Variants in PCDHA4 observed in about 807,000 individuals in gnomAD.
PCDHA4 encodes protocadherin alpha-4.
Under a neutral mutation model 61.4 loss-of-function variants are expected in PCDHA4, and 49 were observed. That is an observed-to-expected ratio of 0.80 (90% CI 0.63 to 1.01). PCDHA4 has a LOEUF of 1.01. Among genes scored for constraint, PCDHA4 ranks in the 50% least tolerant of loss-of-function variants. The pLI is 0.00. For synonymous variants in PCDHA4, 590 were observed against 550.3 expected, an observed-to-expected ratio of 1.07 and a Z score of -1.01; for missense variants, 1,254 against 1,235.8, an observed-to-expected ratio of 1.01 and a Z score of -0.22.
At chr5:140,883,786 C>G in intron 1 of PCDHA4, 1 of 1,612,422 alleles carries the variant, frequency 6.2e-7, no homozygotes, top group Admixed American at 1.7e-5. Flanking sequence ...CGCTGTCGAG[C>G]TACGTGTCGG....
At chr5:140,857,653 C>A (rs1466552947) in intron 1 of PCDHA4, 6 of 1,596,508 alleles carry the variant, frequency 3.8e-6, no homozygotes, top group Non-Finnish European at 5.1e-6. Flanking sequence ...TCCAGGTGAG[C>A]GCGCGCGATG....
intron 1 of PCDHA4, chr5:140,830,426 T>G (rs2150186356): frequency 6.2e-7 from 1 of 1,613,866 alleles, no homozygotes; most frequent in Non-Finnish European, 8.5e-7. Flanking sequence ...CCTTTCACCT[T>G]GTCCTATTAT....
intron 3 of PCDHA4, among the ~76,000 whole-genome samples, chr5:140,994,064 A>G (rs902624513): frequency 6.6e-6 from 1 of 152,142 alleles, no homozygotes; most frequent in African/African-American, 2.4e-5. Context: ...TATAAATCTA[A>G]TGGTGAAGGG....
Position 140,851,165 on chromosome 5 carries a change from G to A in PCDHA4, c.2385+41593G>A. Reference sequence around the variant, plus strand: ...GACATTGAATTTCTGATGCTATGCTGCCATAACACTTGAAAACCAATTTAG... The same window carrying A: ...GACATTGAATTTCTGATGCTATGCTACCATAACACTTGAAAACCAATTTAG... On this transcript the variant is annotated intron_variant, in intron 1 of 3. Transcript: ENST00000530339. 5 of 1,284,508 alleles carry A rather than the reference G, an allele frequency of 3.9e-6. 1 individual carries two copies. Among genetic ancestry groups the A allele is most frequent in the Non-Finnish European group, 5.0e-6 (5 of 997,876 alleles). 79.6% of individuals were successfully genotyped at this position (1,284,508 alleles called of 1,614,324 possible).
In PCDHA4 at chr5:140,921,062, C is replaced by T. The variant is rs377176575; in HGVS notation, c.2386-57887C>T. 1.3e-4 allele frequency among the ~76,000 whole-genome samples: 20 copies of T among 151,872 alleles called. No homozygotes were observed. The South Asian group carries it at 4.2e-3, about 32-fold the overall frequency. The stretch of plus-strand genomic sequence containing the variant: ...TGGGGCAATCATAGCTCACTCTAAC[C>T]TTGAACTCTTGGGCTCAAGAGAATC... On this transcript the variant is annotated intron_variant, in intron 1 of 3. Coordinates refer to ENST00000530339, the MANE Select transcript of PCDHA4 (RefSeq NM_018907.4).
intron 1 of PCDHA4, chr5:140,823,634 C>A (rs367738406): frequency 1.2e-6 from 2 of 1,613,942 alleles, no homozygotes; most frequent in African/African-American, 2.7e-5. Flanking sequence ...GCGCGCATCC[C>A]GTTCCGCGTG....
chr5:140,907,554 A>G (rs1554193052), intron 1 of PCDHA4, among the ~76,000 whole-genome samples: 2 of 152,224 alleles, frequency 1.3e-5, no homozygotes, highest in African/African-American at 2.4e-5. Context: ...AAGAGGTCCA[A>G]TATAATCAAC....
Position 140,871,268 on chromosome 5 carries a change from G to T in PCDHA4, c.2385+61696G>T, listed in dbSNP as rs368729446. ...CTGCTGCTGTATACGGCGCTGTGGTGGTCGGCAACGCCCACTGAGGGCGCG... is the reference window on the plus strand; with the variant it reads ...CTGCTGCTGTATACGGCGCTGTGGTTGTCGGCAACGCCCACTGAGGGCGCG... On this transcript the variant is annotated intron_variant, in intron 1 of 3. Transcript: ENST00000530339. 53 of 1,613,850 alleles carry T rather than the reference G, an allele frequency of 3.3e-5. No homozygotes were observed. The African/African-American group carries it at 6.7e-4, about 20-fold the overall frequency.
At chr5:141,005,093 G>A (rs1441843884) in intron 3 of PCDHA4, among the ~76,000 whole-genome samples, 1 of 152,172 alleles carries the variant, frequency 6.6e-6, no homozygotes, top group East Asian at 1.9e-4. Flanking sequence ...TACTTTACAT[G>A]CATTACATCA....
intron 1 of PCDHA4, among the ~76,000 whole-genome samples, chr5:140,891,857 C>G (rs1202628035): frequency 6.6e-6 from 1 of 152,194 alleles, no homozygotes; most frequent in Non-Finnish European, 1.5e-5. Context: ...GCCTGTCCCT[C>G]TCTTATGCTT....
At chr5:140,854,861 A>G (rs1176578969) in intron 1 of PCDHA4, among the ~76,000 whole-genome samples, 2 of 149,864 alleles carry the variant, frequency 1.3e-5, no homozygotes, top group African/African-American at 4.9e-5. Flanking sequence ...TACTAGATAT[A>G]TTTCAGAACT....
At chr5:140,905,787 G>A (rs1468265319) in intron 1 of PCDHA4, among the ~76,000 whole-genome samples, 1 of 152,012 alleles carries the variant, frequency 6.6e-6, no homozygotes, top group Non-Finnish European at 1.5e-5. Context: ...TATTAGTCAG[G>A]GTTCTCTAGA....
chr5:140,907,066 G>A (rs748785005), intron 1 of PCDHA4, among the ~76,000 whole-genome samples: 6 of 152,096 alleles, frequency 3.9e-5, no homozygotes, highest in Non-Finnish European at 8.8e-5. Context: ...TTTACTAGTG[G>A]GTCACTAGGG....
chr5:140,869,249 C>T (rs1554162740), intron 1 of PCDHA4: 2 of 1,613,496 alleles, frequency 1.2e-6, no homozygotes, highest in Admixed American at 3.3e-5. Flanking sequence ...GGCCGCATCG[C>T]GCAGGACCTG....
At chr5:140,841,877 A>G (rs2150324611) in intron 1 of PCDHA4, 1 of 1,613,820 alleles carries the variant, frequency 6.2e-7, no homozygotes. Flanking sequence ...GAATTCAAAG[A>G]ACGATGAGAA....
chr5:140,975,201 A>G (rs1253516142), intron 1 of PCDHA4, among the ~76,000 whole-genome samples: 1 of 152,144 alleles, frequency 6.6e-6, no homozygotes, highest in Non-Finnish European at 1.5e-5. Context: ...CTCCATCTTC[A>G]TGGCTGGCAC....
At chr5:140,896,555 T>C (rs2065621728) in intron 1 of PCDHA4, among the ~76,000 whole-genome samples, 1 of 151,910 alleles carries the variant, frequency 6.6e-6, no homozygotes, top group African/African-American at 2.4e-5. Context: ...TTTTGTATTT[T>C]AAGTAGAGAT....
intron 1 of PCDHA4, chr5:140,841,685 G>T (rs1332759626): frequency 6.2e-7 from 1 of 1,613,842 alleles, no homozygotes; most frequent in Non-Finnish European, 8.5e-7. Context: ...TGTGGACGTG[G>T]AGGTGAAGGA....
At position 140,946,631 on chromosome 5, in the gene PCDHA4, T is replaced by C. The variant is rs75895301; in HGVS notation, c.2386-32318T>C. Among the ~76,000 whole-genome samples, 565 of 131,680 alleles carry C rather than the reference T, an allele frequency of 4.3e-3. 19 individuals are homozygous for C. Among genetic ancestry groups the C allele is most frequent in the Middle Eastern group, 0.019 (5 of 266 alleles). 86.4% of individuals were successfully genotyped at this position (131,680 alleles called of 152,430 possible). A position where few individuals can be genotyped will look rare whatever the true frequency, so the allele number is the denominator to read the frequency against. On this transcript the variant is annotated intron_variant, in intron 1 of 3. Coordinates refer to ENST00000530339, the MANE Select transcript of PCDHA4 (RefSeq NM_018907.4). ...TGTGAAATATATATATATATATATA[T>C]ACAATGGAATACTCATCAGCCATTA... is the stretch of plus-strand genomic sequence containing the variant.
Sources: gnomAD v4.1 joint callset for allele counts (sites outside exome capture counted in the v4.1 genomes callset) on GRCh38, gnomAD v4.1.1 for gene constraint, MANE v1.5 for transcripts, NCBI Gene and HGNC (gene_info 2026-07-23, HGNC 2026-07-21) for gene names.